The following XKR4 variants were observed in gnomAD, a reference collection of about 807,000 sequenced individuals.
XKR4 encodes the protein XK-related protein 4.
In XKR4, 12 loss-of-function variants were observed where a neutral mutation model predicts 53.9. The ratio of observed to expected loss-of-function variants is 0.22; its 90% CI spans 0.14 to 0.36. XKR4 has a LOEUF of 0.36. Among genes scored for constraint, XKR4 ranks in the 10% least tolerant of loss-of-function variants. The pLI, the probability that XKR4 is intolerant of heterozygous loss-of-function variation, is 1.00. For synonymous variants in XKR4, 354 were observed against 362.4 expected (o/e 0.98, Z 0.26); for missense variants, 799 against 859.5 (o/e 0.93, Z 0.88).
chr8:55,499,907 G>C (rs931182992), intron 2 of XKR4, among the ~76,000 whole-genome samples: 32 of 152,122 alleles, frequency 2.1e-4, no homozygotes, highest in African/African-American at 7.5e-4. Context: ...CCCTAGGTGT[G>C]CCCTCCTTGT....
intron 2 of XKR4, among the ~76,000 whole-genome samples, chr8:55,377,877 G>T (rs1387838097): frequency 6.6e-6 from 1 of 152,132 alleles, no homozygotes; most frequent in Non-Finnish European, 1.5e-5. Context: ...CTTCAACCTT[G>T]TTTAATTTAG....
chr8:55,144,369 T>A (rs1024734695), intron 1 of XKR4, among the ~76,000 whole-genome samples: 4 of 151,842 alleles, frequency 2.6e-5, no homozygotes, highest in East Asian at 1.9e-4. Context: ...ACAAAAAAAA[T>A]TTACTTTAAA....
At chr8:55,263,536 A>C (rs12550768) in intron 1 of XKR4, among the ~76,000 whole-genome samples, 2,254 of 152,346 alleles carry the variant, frequency 0.015, 45 homozygotes, top group East Asian at 0.041. Context: ...TTGAAGCTGA[A>C]ATAGCATGCG....
chr8:55,209,838 A>C (rs1052846057), intron 1 of XKR4, among the ~76,000 whole-genome samples: 1 of 152,220 alleles, frequency 6.6e-6, no homozygotes, highest in Non-Finnish European at 1.5e-5. Flanking sequence ...AGTAAGATTT[A>C]AATGGACAGA....
chr8:55,424,742 A>G (rs1348701136), intron 2 of XKR4, among the ~76,000 whole-genome samples: 3 of 152,220 alleles, frequency 2.0e-5, no homozygotes, highest in Admixed American at 6.5e-5. Context: ...GGCACGTGTT[A>G]GGAATGAAAT....
At chr8:55,219,007 C>T (rs1378228798) in intron 1 of XKR4, among the ~76,000 whole-genome samples, 2 of 107,824 alleles carry the variant, frequency 1.9e-5, no homozygotes, top group Admixed American at 1.1e-4. Flanking sequence ...ATTCTAGAAG[C>T]AGTCTTTTTT....
chr8:55,223,351 A>C (rs979586667), intron 1 of XKR4, among the ~76,000 whole-genome samples: 13 of 152,200 alleles, frequency 8.5e-5, no homozygotes, highest in Non-Finnish European at 1.9e-4. Flanking sequence ...CTATTTATCC[A>C]AAAATTAGTT....
At chr8:55,261,197 G>C (rs1375488662) in intron 1 of XKR4, among the ~76,000 whole-genome samples, 1 of 152,150 alleles carries the variant, frequency 6.6e-6, no homozygotes, top group African/African-American at 2.4e-5. Flanking sequence ...GGGTTCTAAT[G>C]CTGGCAGTTG....
At chr8:55,512,018 A>T (rs1806633446) in intron 2 of XKR4, among the ~76,000 whole-genome samples, 1 of 152,190 alleles carries the variant, frequency 6.6e-6, no homozygotes, top group Non-Finnish European at 1.5e-5. Flanking sequence ...TTTATAGAGA[A>T]GCTTTTCTGT....
intron 2 of XKR4, among the ~76,000 whole-genome samples, chr8:55,403,757 T>C (rs2129390251): frequency 6.6e-6 from 1 of 152,346 alleles, no homozygotes; most frequent in Middle Eastern, 3.4e-3. Flanking sequence ...TTCTTCTCTG[T>C]TCTTCCTCTT....
At chr8:55,417,746 G>T (rs780851812) in intron 2 of XKR4, among the ~76,000 whole-genome samples, 2 of 152,242 alleles carry the variant, frequency 1.3e-5, no homozygotes, top group East Asian at 3.9e-4. Flanking sequence ...ACCGCATAAC[G>T]AATGTTCATG....
At chr8:55,395,310 G>A (rs1242104639) in intron 2 of XKR4, among the ~76,000 whole-genome samples, 2 of 151,938 alleles carry the variant, frequency 1.3e-5, no homozygotes, top group African/African-American at 2.4e-5. Context: ...CGGGGCTCAC[G>A]CTGCATTCCC....
intron 1 of XKR4, among the ~76,000 whole-genome samples, chr8:55,191,074 G>A (rs1036977909): frequency 3.9e-5 from 6 of 152,172 alleles, no homozygotes; most frequent in Admixed American, 2.0e-4. Flanking sequence ...GCCTTAGTCT[G>A]TAGCTCTGTG....
At chr8:55,253,329 G>A (rs1475856964) in intron 1 of XKR4, among the ~76,000 whole-genome samples, 1 of 152,068 alleles carries the variant, frequency 6.6e-6, no homozygotes, top group Non-Finnish European at 1.5e-5. Flanking sequence ...TTCCTGATAT[G>A]CTTCTTTACA....
At chr8:55,422,024 G>C (rs959984187) in intron 2 of XKR4, among the ~76,000 whole-genome samples, 2 of 152,096 alleles carry the variant, frequency 1.3e-5, no homozygotes, top group African/African-American at 4.8e-5. Flanking sequence ...TGAGCTTTAA[G>C]GCATAAAACA....
chr8:55,410,974 C>T (rs1469507400), intron 2 of XKR4, among the ~76,000 whole-genome samples: 1 of 152,144 alleles, frequency 6.6e-6, no homozygotes, highest in Non-Finnish European at 1.5e-5. Flanking sequence ...GCATTCTTCA[C>T]TCGTGCCTCT....
intron 1 of XKR4, among the ~76,000 whole-genome samples, chr8:55,168,688 G>T (rs2129358163): frequency 6.6e-6 from 1 of 152,214 alleles, no homozygotes; most frequent in East Asian, 1.9e-4. Flanking sequence ...CAAAACTGTG[G>T]TAAAAATTCT....
chr8:55,130,231 A>T (rs999108517), intron 1 of XKR4, among the ~76,000 whole-genome samples: 6 of 108,128 alleles, frequency 5.5e-5, no homozygotes, highest in African/African-American at 1.7e-4. Flanking sequence ...GTCAGGTGTT[A>T]TCTGCTACAA....
chr8:55,436,456 G>A (rs1805178419), intron 2 of XKR4, among the ~76,000 whole-genome samples: 1 of 152,202 alleles, frequency 6.6e-6, no homozygotes, highest in Non-Finnish European at 1.5e-5. Context: ...TTAGAATGGT[G>A]TTGCACAGAA....
Sources: gnomAD v4.1 joint callset for allele counts (sites outside exome capture counted in the v4.1 genomes callset) on GRCh38, gnomAD v4.1.1 for gene constraint, MANE v1.5 for transcripts, NCBI Gene and HGNC (gene_info 2026-07-23, HGNC 2026-07-21) for gene names.